The following COL15A1 variants were observed in gnomAD, a reference collection of about 807,000 sequenced individuals.
COL15A1 encodes the protein collagen alpha-1(XV) chain.
In COL15A1, 111 loss-of-function variants were observed where a neutral mutation model predicts 165.9. The observed-to-expected ratio is 0.67, with a 90% CI of 0.57 to 0.78. The LOEUF (loss-of-function observed/expected upper bound fraction) is 0.78, where lower values mean the gene tolerates loss of function less well. COL15A1 is among the 30% of genes least tolerant of loss of function. The pLI, the probability that COL15A1 is intolerant of heterozygous loss-of-function variation, is 0.00. For synonymous variants in COL15A1, 659 were observed against 674.8 expected (o/e 0.98, Z 0.36); for missense variants, 1,745 against 1,789.7 (o/e 0.98, Z 0.45).
chr9:99,036,360 G>T lies in COL15A1; in HGVS notation c.2373G>T (p.Pro791=). The change falls in exon 21 of 42, where the codon CCG becomes CCT. Residue 791 remains proline (P), a synonymous_variant. Coordinates refer to ENST00000375001, the MANE Select transcript of COL15A1 (RefSeq NM_001855.5). ...CCAGTATTGTGGGACCCCCTGGGCC[G>T]AGAGGGCCACCTGGGCACATCAAGG... ...DGASIVGPPG[P]RGPPGHIKVL... The T allele has an allele frequency of 3.7e-6, 6 of 1,614,166 alleles. No homozygotes were observed. Among genetic ancestry groups the T allele is most frequent in the Non-Finnish European group, 5.1e-6 (6 of 1,180,032 alleles).
intron 2 of COL15A1, among the ~76,000 whole-genome samples, chr9:98,952,450 A>T (rs1837703964): frequency 6.6e-6 from 1 of 152,214 alleles, no homozygotes; most frequent in African/African-American, 2.4e-5. Flanking sequence ...TCAGTTTGTC[A>T]AAAGTTGTGC....
At chr9:98,963,298 C>T (rs1445150910) in intron 2 of COL15A1, among the ~76,000 whole-genome samples, 1 of 152,184 alleles carries the variant, frequency 6.6e-6, no homozygotes, top group Non-Finnish European at 1.5e-5. Context: ...CACCTTACTC[C>T]CATCAGAACC....
intron 2 of COL15A1, among the ~76,000 whole-genome samples, chr9:98,953,979 CT>C (rs1351202578): frequency 6.6e-6 from 1 of 152,228 alleles, no homozygotes; most frequent in East Asian, 1.9e-4. Flanking sequence ...CAGGCACTCT[CT>C]GGAGTAGGTG....
chr9:98,974,681 C>T (rs934145737), intron 2 of COL15A1, among the ~76,000 whole-genome samples: 3 of 152,218 alleles, frequency 2.0e-5, no homozygotes, highest in Non-Finnish European at 4.4e-5. Flanking sequence ...ATACCCTCAT[C>T]CTACTGGTCC....
intron 16 of COL15A1, among the ~76,000 whole-genome samples, chr9:99,030,635 A>G (rs536040229): frequency 4.2e-4 from 64 of 152,362 alleles, no homozygotes; most frequent in Middle Eastern, 3.4e-3. Context: ...TTGAAACTCT[A>G]TAAGATGCCC....
In COL15A1 at chr9:98,985,851, C is replaced by A; in HGVS notation, c.387C>A (p.Asp129Glu). The A allele has an allele frequency of 6.2e-7, 1 of 1,613,820 alleles. No homozygotes were observed. The highest frequency in any genetic ancestry group is 2.2e-5 in the East Asian group (1 of 44,880). The change falls in exon 3 of 42, where the codon GAC (aspartate) becomes GAA (glutamate). Residue 129 changes from aspartate (D) to glutamate (E), a missense_variant. By Grantham distance (45) the Asp-to-Glu change is conservative. Transcript: ENST00000375001. The part of the protein sequence containing the change: ...YLGLRLSGVE[D>E]GHQRIILYYT... ...GCCTGCGGCTCTCAGGTGTGGAGGA[C>A]GGCCACCAGCGGATCATCCTCTACT...
intron 2 of COL15A1, among the ~76,000 whole-genome samples, chr9:98,985,141 G>T (rs572552576): frequency 6.6e-6 from 1 of 152,116 alleles, no homozygotes; most frequent in Non-Finnish European, 1.5e-5. Context: ...GTCGATGGGT[G>T]AACATTATAT....
chr9:98,998,166 C>T (rs905709742), intron 6 of COL15A1, among the ~76,000 whole-genome samples: 4 of 152,126 alleles, frequency 2.6e-5, no homozygotes, highest in Non-Finnish European at 5.9e-5. Context: ...ACATATTAGA[C>T]GTAATATTCA....
chr9:99,025,949 G>A lies in COL15A1; in HGVS notation c.2026G>A (p.Gly676Arg), dbSNP rs184504711. The change falls in exon 16 of 42, where the codon GGG becomes AGG. Residue 676 changes from glycine to arginine, a missense_variant. Gly to Arg is a moderately radical substitution (Grantham distance 125). Transcript: ENST00000375001. ...PGVDGATGLPGMKGEKGARGP... is the reference protein window; with the variant it reads ...PGVDGATGLPRMKGEKGARGP... ...AGTTGATGGAGCCACCGGCCTTCCC[G>A]GGATGAAAGGGGAGAAGGTACGGGG... 159 of 1,611,954 alleles carry A rather than the reference G, an allele frequency of 9.9e-5. No individual in the cohort carries two copies. Among genetic ancestry groups the A allele is most frequent in the Middle Eastern group, 6.6e-4 (4 of 6,050 alleles).
chr9:99,026,108 G>A (rs1476672900), intron 16 of COL15A1, 142 bp downstream of exon 16: 1 of 742,882 alleles, frequency 1.3e-6, no homozygotes, highest in Admixed American at 2.9e-5. Context: ...TCTGCTGGAT[G>A]TCTCCATCAT....
In COL15A1 at chr9:99,018,186, T is replaced by TA. The variant is rs561026482; in HGVS notation, c.1647+2068dup. Among the ~76,000 whole-genome samples, 586 of 152,356 alleles carry TA rather than the reference T, an allele frequency of 3.8e-3. 1 individual carries two copies. The highest frequency in any genetic ancestry group is 6.7e-3 in the Non-Finnish European group (458 of 68,038). ...ATGCCCTGGCTATTTTGTTTTAAAA[T>TA]ACCTCTTTCCAGTTTGTTTGACTCT... On this transcript the variant is annotated intron_variant, in intron 11 of 41. Coordinates refer to ENST00000375001, the MANE Select transcript of COL15A1 (RefSeq NM_001855.5).
chr9:99,025,041 G>C (rs1401064567), intron 15 of COL15A1, 42 bp downstream of exon 15: 2 of 1,595,624 alleles, frequency 1.3e-6, no homozygotes, highest in Non-Finnish European at 1.7e-6. Flanking sequence ...TGGCTGTGGG[G>C]CTTCCTTTAG....
At chr9:98,962,293 A>G (rs541748831) in intron 2 of COL15A1, among the ~76,000 whole-genome samples, 3 of 152,132 alleles carry the variant, frequency 2.0e-5, no homozygotes, top group Admixed American at 6.5e-5. Flanking sequence ...TCCTTTAGAC[A>G]TGGTTGTACC....
Position 99,016,065 on chromosome 9 carries a change from T to C in COL15A1, c.1593T>C (p.Pro531=), listed in dbSNP as rs1443587724. 1 of 1,613,888 alleles carries C rather than the reference T, an allele frequency of 6.2e-7. No homozygotes were observed. Among genetic ancestry groups the C allele is most frequent in the African/African-American group, 1.3e-5 (1 of 74,916 alleles). The stretch of plus-strand genomic sequence containing the variant: ...GTGAAGAGTCCGGCAGCCCTCCCCC[T>C]GATGGGCCACCGCTGCCCCTGCCCA... ...AGGEESGSPP[P]DGPPLPLPTV... The change falls in exon 11 of 42, where the codon CCT becomes CCC. Residue 531 remains proline, a synonymous_variant. Coordinates refer to ENST00000375001, the MANE Select transcript of COL15A1 (RefSeq NM_001855.5).
At position 99,056,405 on chromosome 9, in the gene COL15A1, G is replaced by A. The variant is rs750279840; in HGVS notation, c.3337+1G>A. ...GGACCTCCAGCTATCCTGGGAGCAG[G>A]TTAGTGCCGTAAACAGTGCCCTTGT... On this transcript the variant is annotated splice_donor_variant, in intron 35 of 41. Coordinates refer to ENST00000375001, the MANE Select transcript of COL15A1 (RefSeq NM_001855.5). LOFTEE classifies it high-confidence loss of function. 6.2e-6 allele frequency: 10 copies of A among 1,607,498 alleles called. No individual in the cohort carries two copies. Among genetic ancestry groups the A allele is most frequent in the Non-Finnish European group, 8.5e-6 (10 of 1,178,444 alleles).
intron 2 of COL15A1, among the ~76,000 whole-genome samples, chr9:98,950,418 A>G (rs555018542): frequency 6.6e-6 from 1 of 151,052 alleles, no homozygotes; most frequent in South Asian, 2.1e-4. Context: ...TTTATTTGCA[A>G]TTCTTTCTTT....
intron 21 of COL15A1, among the ~76,000 whole-genome samples, chr9:99,036,838 C>T (rs1479397939): frequency 6.6e-6 from 1 of 152,214 alleles, no homozygotes; most frequent in Non-Finnish European, 1.5e-5. Flanking sequence ...ATCAGACGGA[C>T]TTGCCCATGG....
intron 23 of COL15A1, chr9:99,041,305 G>A (rs1839401267): frequency 1.3e-5 from 2 of 152,378 alleles, no homozygotes; most frequent in East Asian, 3.9e-4. Context: ...GCTGTAATGG[G>A]TAATTCACTC....
At chr9:98,965,094 G>T (rs1202936562) in intron 2 of COL15A1, among the ~76,000 whole-genome samples, 3 of 152,038 alleles carry the variant, frequency 2.0e-5, no homozygotes, top group Non-Finnish European at 4.4e-5. Flanking sequence ...TATCGCCTTC[G>T]CACCACATTC....
Sources: gnomAD v4.1 joint callset for allele counts (sites outside exome capture counted in the v4.1 genomes callset) on GRCh38, gnomAD v4.1.1 for gene constraint, MANE v1.5 for transcripts, NCBI Gene and HGNC (gene_info 2026-07-23, HGNC 2026-07-21) for gene names.